Variants in RASEF observed in about 807,000 individuals in gnomAD.
RASEF encodes the protein RAS and EF-hand domain containing, also known as ras and EF-hand domain-containing protein.
In RASEF, 68 loss-of-function variants were observed where a neutral mutation model predicts 90.1. That is an observed-to-expected ratio of 0.75 (90% CI 0.62 to 0.92). RASEF has a LOEUF of 0.92. Ranked by LOEUF, RASEF falls within the 40% of genes least tolerant of loss-of-function variation. RASEF has a pLI of 0.00. For missense variants in RASEF, 949 were observed against 937.2 expected, an observed-to-expected ratio of 1.01 and a Z score of -0.16; for synonymous variants, 331 against 345.2, an observed-to-expected ratio of 0.96 and a Z score of 0.46.
intron 16 of RASEF, among the ~76,000 whole-genome samples, chr9:82,990,076 T>C (rs148386197): frequency 4.6e-5 from 7 of 152,344 alleles, no homozygotes; most frequent in East Asian, 3.9e-4. Context: ...GTTGTATTCA[T>C]AATAGTCCCT....
chr9:83,200,572 T>A, the RASEF span, among the ~76,000 whole-genome samples: 4 of 152,284 alleles, frequency 2.6e-5, no homozygotes. Context: ...TATTTAAAAA[T>A]CAGTCCTTCC....
Position 83,005,480 on chromosome 9 carries a change from T to C in RASEF, c.1049A>G (p.His350Arg), listed in dbSNP as rs2118469568. The C allele has an allele frequency of 6.2e-7, 1 of 1,613,866 alleles. No individual in the cohort carries two copies. The highest frequency in any genetic ancestry group is 8.5e-7 in the Non-Finnish European group (1 of 1,179,786). ...EILQTANRKL[H>R]DSNDGLRSAL... is the part of the protein sequence containing the mutation. ...ACTTCTAAGGCCATCATTACTGTCA[T>C]GTAGCTTCCGGTTAGCTGTTCTGCA... Residue 350 changes from histidine to arginine, a missense_variant, in exon 8 of 17, where the codon CAT (histidine) becomes CGT (arginine). Coordinates refer to ENST00000376447, the MANE Select transcript of RASEF (RefSeq NM_152573.4).
At chr9:82,990,284 T>TAAG (rs1450455695) in intron 16 of RASEF, 107 bp downstream of exon 16, 1 of 735,224 alleles carries the variant, frequency 1.4e-6, no homozygotes, top group Non-Finnish European at 2.3e-6. Context: ...GACTGACAGA[T>TAAG]AAGAGAGTGT....
chr9:83,207,354 G>C, the RASEF span, among the ~76,000 whole-genome samples: 2 of 152,184 alleles, frequency 1.3e-5, no homozygotes, highest in African/African-American at 4.8e-5. Flanking sequence ...TCCGCTCAGG[G>C]TGTCTGCACT....
the RASEF span, among the ~76,000 whole-genome samples, chr9:83,094,716 A>G: frequency 8.5e-5 from 13 of 152,210 alleles, no homozygotes; most frequent in African/African-American, 3.1e-4. Flanking sequence ...CAATGAGGGT[A>G]TTTAAAAAGA....
chr9:83,072,039 A>C, the RASEF span, among the ~76,000 whole-genome samples: 1 of 152,176 alleles, frequency 6.6e-6, no homozygotes, highest in Non-Finnish European at 1.5e-5. Flanking sequence ...TAAAAATTTG[A>C]GACCATCTTT....
At chr9:83,080,637 TA>T in the RASEF span, among the ~76,000 whole-genome samples, 136 of 152,250 alleles carry the variant, frequency 8.9e-4, no homozygotes, top group African/African-American at 3.0e-3. Context: ...CTCTCAATGT[TA>T]AAAAAATTAT....
the RASEF span, among the ~76,000 whole-genome samples, chr9:83,202,688 G>A: frequency 6.6e-6 from 1 of 151,916 alleles, no homozygotes; most frequent in African/African-American, 2.4e-5. Context: ...AGTAGAGATG[G>A]GGTCTTGCCA....
chr9:83,182,822 G>A, the RASEF span, among the ~76,000 whole-genome samples: 1 of 152,044 alleles, frequency 6.6e-6, no homozygotes, highest in African/African-American at 2.4e-5. Context: ...TTTATTTTTG[G>A]ATAAACAAAA....
the RASEF span, among the ~76,000 whole-genome samples, chr9:83,097,185 C>T: frequency 1.3e-5 from 2 of 152,144 alleles, no homozygotes; most frequent in Non-Finnish European, 2.9e-5. Context: ...ATTTCTAGTT[C>T]TAGATCCCTG....
chr9:83,153,370 C>T, the RASEF span, among the ~76,000 whole-genome samples: 3 of 152,106 alleles, frequency 2.0e-5, no homozygotes, highest in Non-Finnish European at 4.4e-5. Flanking sequence ...TATGTTACTG[C>T]TTATATGAAA....
At chr9:83,057,881 A>T (rs1587529062) in intron 1 of RASEF, among the ~76,000 whole-genome samples, 1 of 148,138 alleles carries the variant, frequency 6.8e-6, no homozygotes, top group Non-Finnish European at 1.5e-5. Context: ...ATTCGTCTTT[A>T]AATACCACAA....
chr9:83,112,646 C>T, the RASEF span, among the ~76,000 whole-genome samples: 1 of 151,056 alleles, frequency 6.6e-6, no homozygotes, highest in Non-Finnish European at 1.5e-5. Flanking sequence ...AAGATCGCAC[C>T]ATTGCACTCC....
the RASEF span, among the ~76,000 whole-genome samples, chr9:83,131,205 T>A: frequency 6.6e-6 from 1 of 152,192 alleles, no homozygotes; most frequent in Non-Finnish European, 1.5e-5. Context: ...AAAACAGTCA[T>A]GTGGCCAATA....
the RASEF span, among the ~76,000 whole-genome samples, chr9:83,140,480 G>T: frequency 2.0e-5 from 3 of 152,158 alleles, no homozygotes; most frequent in Non-Finnish European, 4.4e-5. Context: ...TTCCAGACAT[G>T]AACAACTTAA....
chr9:83,202,888 C>T, the RASEF span, among the ~76,000 whole-genome samples: 1 of 152,142 alleles, frequency 6.6e-6, no homozygotes, highest in Non-Finnish European at 1.5e-5. Flanking sequence ...TACTGGTATA[C>T]ATACATCAAA....
chr9:83,158,903 ATG>A, the RASEF span, among the ~76,000 whole-genome samples: 1 of 151,808 alleles, frequency 6.6e-6, no homozygotes, highest in Non-Finnish European at 1.5e-5. Flanking sequence ...TGAAATTTAT[ATG>A]TGAGGGCACA....
intron 1 of RASEF, among the ~76,000 whole-genome samples, chr9:83,028,050 CAAGA>C (rs1829578458): frequency 6.6e-6 from 1 of 152,274 alleles, no homozygotes; most frequent in African/African-American, 2.4e-5. Flanking sequence ...CCAGTTGAAA[CAAGA>C]AATACCAAAA....
At chr9:83,189,068 G>T in the RASEF span, among the ~76,000 whole-genome samples, 62 of 152,270 alleles carry the variant, frequency 4.1e-4, no homozygotes, top group African/African-American at 1.4e-3. Context: ...AGCTGATACG[G>T]GTTGGCTGCG....
Sources: allele counts gnomAD v4.1 joint callset (sites outside exome capture counted in the v4.1 genomes callset), GRCh38; gene constraint gnomAD v4.1.1; transcripts MANE v1.5; gene names NCBI Gene and HGNC (gene_info 2026-07-23, HGNC 2026-07-21).